KCNH7: variants seen among roughly 807,000 people sequenced by gnomAD.
KCNH7 encodes the protein voltage-gated inwardly rectifying potassium channel KCNH7.
KCNH7 carries 49 observed loss-of-function variants against 120.8 expected under a neutral mutation model. The observed-to-expected ratio is 0.41, with a 90% CI of 0.32 to 0.51. KCNH7 has a LOEUF of 0.51. Ranked by LOEUF, KCNH7 falls within the 20% of genes least tolerant of loss-of-function variation. KCNH7 has a pLI of 0.38. For synonymous variants in KCNH7, 547 were observed against 516.1 expected (o/e 1.06, Z -0.81); for missense variants, 1,097 against 1,446.6 (o/e 0.76, Z 3.92).
At chr2:162,502,894 A>C (rs1201821854) in intron 6 of KCNH7, among the ~76,000 whole-genome samples, 1 of 152,030 alleles carries the variant, frequency 6.6e-6, no homozygotes, top group Non-Finnish European at 1.5e-5. Context: ...CACAGGCCTT[A>C]AGATGTGTTT....
intron 2 of KCNH7, among the ~76,000 whole-genome samples, chr2:162,707,837 T>A (rs1005581707): frequency 1.3e-5 from 2 of 152,120 alleles, no homozygotes; most frequent in South Asian, 4.1e-4. Flanking sequence ...GTTTCTAGAA[T>A]AAGCAGATAC....
Position 162,371,827 on chromosome 2 carries a change from G to T in KCNH7, c.*2C>A. 6.2e-7 allele frequency: 1 copy of T among 1,606,720 alleles called. No homozygotes were observed. Among genetic ancestry groups the T allele is most frequent in the Non-Finnish European group, 8.5e-7 (1 of 1,174,094 alleles). On this transcript the variant is annotated 3_prime_UTR_variant, in exon 16 of 16. Transcript: ENST00000332142. The stretch of plus-strand genomic sequence containing the variant: ...GTATGTGGAGTAAATAGTACAAAAT[G>T]ATTATTTCCCTGGAAGACCAGGATC...
chr2:162,792,921 C>A (rs1245159723), intron 2 of KCNH7, among the ~76,000 whole-genome samples: 1 of 151,484 alleles, frequency 6.6e-6, no homozygotes, highest in Non-Finnish European at 1.5e-5. Context: ...AGGTTGTTAA[C>A]TTGAGAGCTT....
At chr2:162,501,594 G>A (rs1000817385) in intron 6 of KCNH7, among the ~76,000 whole-genome samples, 1 of 152,078 alleles carries the variant, frequency 6.6e-6, no homozygotes, top group Non-Finnish European at 1.5e-5. Context: ...TATGGCGGCT[G>A]TGAAGTCCAA....
chr2:162,665,100 T>A (rs905667657), intron 2 of KCNH7, among the ~76,000 whole-genome samples: 2 of 151,064 alleles, frequency 1.3e-5, no homozygotes, highest in East Asian at 3.9e-4. Context: ...TTATGAAAAG[T>A]GAAAAAAAAT....
chr2:162,527,878 T>A (rs1218687674), intron 3 of KCNH7: 2 of 152,038 alleles, frequency 1.3e-5, no homozygotes, highest in Non-Finnish European at 2.9e-5. Context: ...TTTATTTTTA[T>A]AGTTCTAGCT....
intron 2 of KCNH7, among the ~76,000 whole-genome samples, chr2:162,798,188 T>A (rs1431965822): frequency 6.6e-6 from 1 of 152,084 alleles, no homozygotes; most frequent in Non-Finnish European, 1.5e-5. Context: ...TTTTCCTTAG[T>A]AGAAGCATCC....
rs190302281 is a variant in KCNH7, at chr2:162,438,912, G to A, written c.1555-3315C>T. ...TGATTGCATTAAAATCTAAGAGAGA[G>A]TAGATTTAATAATTATTAATCTTCT... is the stretch of plus-strand genomic sequence containing the variant. On this transcript the variant is annotated intron_variant, in intron 7 of 15. Coordinates refer to ENST00000332142, the MANE Select transcript of KCNH7 (RefSeq NM_033272.4). Among the ~76,000 whole-genome samples the A allele has an allele frequency of 9.9e-5, 15 of 152,228 alleles. No homozygotes were observed. The East Asian group carries it at 2.7e-3, about 27-fold the overall frequency.
intron 9 of KCNH7, among the ~76,000 whole-genome samples, chr2:162,422,545 A>T (rs1452909707): frequency 6.6e-6 from 1 of 152,102 alleles, no homozygotes; most frequent in Non-Finnish European, 1.5e-5. Context: ...TAATTTATTT[A>T]GCAATCAGCC....
At chr2:162,547,937 A>G (rs190743854) in intron 2 of KCNH7, among the ~76,000 whole-genome samples, 4 of 152,190 alleles carry the variant, frequency 2.6e-5, no homozygotes, top group Non-Finnish European at 4.4e-5. Flanking sequence ...AGTGGGGTAA[A>G]GATTAGGCTC....
At chr2:162,609,033 A>G (rs1682872390) in intron 2 of KCNH7, among the ~76,000 whole-genome samples, 1 of 152,108 alleles carries the variant, frequency 6.6e-6, no homozygotes, top group Admixed American at 6.6e-5. Flanking sequence ...AAACAAGTAC[A>G]ACACACAGAC....
At chr2:162,514,718 ATGTAT>A (rs1433754106) in intron 4 of KCNH7, among the ~76,000 whole-genome samples, 1 of 151,722 alleles carries the variant, frequency 6.6e-6, no homozygotes, top group Non-Finnish European at 1.5e-5. Context: ...GGCTTCACAA[ATGTAT>A]TGGTCAGTGA....
chr2:162,432,138 T>A (rs60582964), intron 8 of KCNH7, among the ~76,000 whole-genome samples: 9,171 of 152,068 alleles, frequency 0.06, 859 homozygotes, highest in African/African-American at 0.2. Context: ...ATTTCCTTGT[T>A]TGATACCTAT....
chr2:162,421,301 G>C (rs1480879888), intron 9 of KCNH7, among the ~76,000 whole-genome samples: 5 of 152,158 alleles, frequency 3.3e-5, no homozygotes, highest in African/African-American at 1.2e-4. Flanking sequence ...TATGACAATT[G>C]TCTAATGCAA....
At chr2:162,827,521 A>T (rs902983585) in intron 2 of KCNH7, among the ~76,000 whole-genome samples, 1 of 96,324 alleles carries the variant, frequency 1.0e-5, no homozygotes, top group African/African-American at 3.0e-5. Flanking sequence ...AAAATCTAAC[A>T]CTCTGCCTGA....
chr2:162,633,077 A>G (rs1192359848), intron 2 of KCNH7, among the ~76,000 whole-genome samples: 1 of 151,916 alleles, frequency 6.6e-6, no homozygotes. Context: ...TCAAAAAGAA[A>G]TTAATATTAA....
At position 162,373,463 on chromosome 2, in the gene KCNH7, CACTT is replaced by C; in HGVS notation, c.3324+3_3324+6del. ...GACACTCTTGGTTGGATGGTATCCACACTTACTTGTGAGGAAGGGCTGAAACTTC... is the reference window on the plus strand; with the variant it reads ...GACACTCTTGGTTGGATGGTATCCACACTTGTGAGGAAGGGCTGAAACTTC... On this transcript the variant is annotated splice_donor_5th_base_variant and intron_variant, in intron 15 of 15. Coordinates refer to ENST00000332142, the MANE Select transcript of KCNH7 (RefSeq NM_033272.4). 6.6e-7 allele frequency: 1 copy of C among 1,513,206 alleles called. No individual in the cohort carries two copies. Among genetic ancestry groups the C allele is most frequent in the East Asian group, 2.5e-5 (1 of 40,158 alleles). 93.7% of individuals were successfully genotyped at this position (1,513,206 alleles called of 1,614,324 possible).
chr2:162,770,583 A>G (rs1043993949), intron 2 of KCNH7, among the ~76,000 whole-genome samples: 7 of 152,060 alleles, frequency 4.6e-5, no homozygotes, highest in African/African-American at 1.4e-4. Flanking sequence ...TGAGAAATCA[A>G]TTAAGATGGC....
chr2:162,571,517 A>C (rs1693474914), intron 2 of KCNH7, among the ~76,000 whole-genome samples: 1 of 143,864 alleles, frequency 7.0e-6, no homozygotes, highest in African/African-American at 2.6e-5. Context: ...GCTACCAATG[A>C]CTTTCTTCAC....
Sources: allele counts gnomAD v4.1 joint callset (sites outside exome capture counted in the v4.1 genomes callset), GRCh38; gene constraint gnomAD v4.1.1; transcripts MANE v1.5; gene names NCBI Gene and HGNC (gene_info 2026-07-23, HGNC 2026-07-21).